The following AGBL4 variants were observed in gnomAD, a reference collection of about 807,000 sequenced individuals.
The protein encoded by AGBL4 is cytosolic carboxypeptidase 6.
AGBL4 carries 58 observed loss-of-function variants against 66.4 expected under a neutral mutation model. That is an observed-to-expected ratio of 0.87 (90% CI 0.71 to 1.09). AGBL4 has a LOEUF of 1.09. Ranked by LOEUF, AGBL4 falls within the 50% of genes least tolerant of loss-of-function variation. The probability of loss-of-function intolerance (pLI) is 0.00; values close to 1 mark genes in which losing one functional copy is unlikely to be tolerated. For synonymous variants in AGBL4, 234 were observed against 222.9 expected (o/e 1.05, Z -0.44); for missense variants, 579 against 631.0 (o/e 0.92, Z 0.88).
intron 3 of AGBL4, among the ~76,000 whole-genome samples, chr1:49,515,429 C>A (rs1010395246): frequency 6.6e-6 from 1 of 152,088 alleles, no homozygotes; most frequent in African/African-American, 2.4e-5. Context: ...AACACTTTTA[C>A]ACTGTTGGTG....
At chr1:49,899,792 G>A (rs1649588129) in intron 1 of AGBL4, among the ~76,000 whole-genome samples, 1 of 152,152 alleles carries the variant, frequency 6.6e-6, no homozygotes, top group South Asian at 2.1e-4. Context: ...TGGAATCCCA[G>A]CACTTTGGGA....
chr1:48,778,349 T>TGGGTACAC, intron 6 of AGBL4, among the ~76,000 whole-genome samples: 1 of 152,228 alleles, frequency 6.6e-6, no homozygotes, highest in South Asian at 2.1e-4. Context: ...AATCTCAGTT[T>TGGGTACAC]TGGGTTCCTG....
chr1:49,303,451 T>TTTTGTTTATTTATTTATTTA (rs1644791679), intron 3 of AGBL4, among the ~76,000 whole-genome samples: 1 of 147,240 alleles, frequency 6.8e-6, no homozygotes, highest in Admixed American at 6.8e-5. Context: ...CATAAATGTC[T>TTTTGTTTATTTATTTATTTA]TTTATTTATT....
At chr1:49,785,618 A>T (rs1224809126) in intron 2 of AGBL4, among the ~76,000 whole-genome samples, 6 of 151,904 alleles carry the variant, frequency 3.9e-5, no homozygotes, top group Non-Finnish European at 7.4e-5. Flanking sequence ...AAACATATAC[A>T]ATGGGATTTT....
intron 2 of AGBL4, among the ~76,000 whole-genome samples, chr1:49,814,122 T>C (rs2147976944): frequency 1.3e-5 from 2 of 152,280 alleles, no homozygotes; most frequent in East Asian, 3.9e-4. Flanking sequence ...TACCCAGTTT[T>C]GGGTATGTCC....
intron 2 of AGBL4, among the ~76,000 whole-genome samples, chr1:49,737,516 T>G (rs1029986282): frequency 3.9e-5 from 6 of 152,094 alleles, no homozygotes; most frequent in Admixed American, 2.0e-4. Context: ...AAATAGATAC[T>G]GGAGACTACT....
chr1:49,054,249 A>C (rs1412521820), intron 4 of AGBL4, among the ~76,000 whole-genome samples: 1 of 152,086 alleles, frequency 6.6e-6, no homozygotes, highest in African/African-American at 2.4e-5. Context: ...AGATATATCA[A>C]ACAAAATAAT....
rs534033016 is a variant in AGBL4 at position 48,561,058 on chromosome 1, T to C, written c.1268-21320A>G. On this transcript the variant is annotated intron_variant, in intron 11 of 13. Transcript: ENST00000371839. Reference sequence around the variant, plus strand: ...TTCCCTAATGCTCCATTATCATCCATATCTTTGCCCATGCAGTATCACTCC... The same window carrying C: ...TTCCCTAATGCTCCATTATCATCCACATCTTTGCCCATGCAGTATCACTCC... Among the ~76,000 whole-genome samples the C allele has an allele frequency of 8.0e-4, 122 of 152,376 alleles. 1 individual carries two copies. The highest frequency in any genetic ancestry group is 2.9e-3 in the African/African-American group (119 of 41,586).
chr1:48,643,498 T>C (rs1645790119), intron 8 of AGBL4, among the ~76,000 whole-genome samples: 2 of 152,156 alleles, frequency 1.3e-5, no homozygotes, highest in African/African-American at 4.8e-5. Flanking sequence ...CTGAATCAAA[T>C]CACTGGGTGT....
intron 1 of AGBL4, among the ~76,000 whole-genome samples, chr1:49,957,540 C>T (rs1656722251): frequency 6.6e-6 from 1 of 151,810 alleles, no homozygotes; most frequent in Admixed American, 6.6e-5. Context: ...AATCTGGGTG[C>T]TCCTGTATTG....
At chr1:48,678,426 C>T (rs1646401956) in intron 6 of AGBL4, among the ~76,000 whole-genome samples, 1 of 152,184 alleles carries the variant, frequency 6.6e-6, no homozygotes. Flanking sequence ...CAGTCCCTTC[C>T]ACTCACACAC....
chr1:49,968,130 G>A (rs977366587), intron 1 of AGBL4, among the ~76,000 whole-genome samples: 2 of 151,762 alleles, frequency 1.3e-5, no homozygotes, highest in African/African-American at 4.8e-5. Context: ...GGCTGAGACA[G>A]GAGAATCACT....
chr1:50,023,081 T>G, intron 1 of AGBL4, among the ~76,000 whole-genome samples: 1 of 151,970 alleles, frequency 6.6e-6, no homozygotes, highest in African/African-American at 2.4e-5. Context: ...TCAAGATCAT[T>G]GAACCCACAC....
intron 3 of AGBL4, among the ~76,000 whole-genome samples, chr1:49,589,066 T>A (rs1267870519): frequency 2.0e-5 from 3 of 152,138 alleles, no homozygotes; most frequent in African/African-American, 7.2e-5. Context: ...CAGGAAACAA[T>A]TACCAGTGAA....
chr1:49,554,351 G>T (rs999979125), intron 3 of AGBL4, among the ~76,000 whole-genome samples: 59 of 152,090 alleles, frequency 3.9e-4, no homozygotes, highest in African/African-American at 1.2e-3. Flanking sequence ...AGTTTCTCAG[G>T]AAGAGCCTTG....
chr1:48,638,860 A>G (rs1347521181), intron 8 of AGBL4, among the ~76,000 whole-genome samples: 2 of 152,178 alleles, frequency 1.3e-5, no homozygotes, highest in Non-Finnish European at 2.9e-5. Context: ...GTCTCATATT[A>G]TATAGTTCTC....
chr1:49,501,516 AATTTT>A (rs1214205930), intron 3 of AGBL4, among the ~76,000 whole-genome samples: 1 of 139,240 alleles, frequency 7.2e-6, no homozygotes, highest in Non-Finnish European at 1.6e-5. Flanking sequence ...TTTCATTTAT[AATTTT>A]ATTTGAGTCT....
intron 6 of AGBL4, among the ~76,000 whole-genome samples, chr1:48,829,039 G>A (rs1646492340): frequency 6.6e-6 from 1 of 152,144 alleles, no homozygotes; most frequent in African/African-American, 2.4e-5. Context: ...TTCTGAGTCT[G>A]GAACTAGAGT....
chr1:48,927,491 G>A (rs1654684341), intron 5 of AGBL4, among the ~76,000 whole-genome samples: 1 of 152,162 alleles, frequency 6.6e-6, no homozygotes, highest in African/African-American at 2.4e-5. Flanking sequence ...CGAGATTTGG[G>A]TGGGGATACA....
Sources: allele counts gnomAD v4.1 joint callset (sites outside exome capture counted in the v4.1 genomes callset), GRCh38; gene constraint gnomAD v4.1.1; transcripts MANE v1.5; gene names NCBI Gene and HGNC (gene_info 2026-07-23, HGNC 2026-07-21).